Variants in ATP8A2 observed in about 807,000 individuals in gnomAD.
ATP8A2 encodes the protein ATPase phospholipid transporting 8A2.
Under a neutral mutation model 165.6 loss-of-function variants are expected in ATP8A2, and 100 were observed. That is an observed-to-expected ratio of 0.60 (90% CI 0.51 to 0.71). ATP8A2 has a LOEUF of 0.71. Among genes scored for constraint, ATP8A2 ranks in the 30% least tolerant of loss-of-function variants. The probability of loss-of-function intolerance (pLI) is 0.00; values close to 1 mark genes in which losing one functional copy is unlikely to be tolerated. For missense variants in ATP8A2, 1,227 were observed against 1,479.5 expected (o/e 0.83, Z 2.80); for synonymous variants, 543 against 548.8 (o/e 0.99, Z 0.15).
At chr13:25,935,649 G>A (rs1263970797) in intron 33 of ATP8A2, among the ~76,000 whole-genome samples, 1 of 152,084 alleles carries the variant, frequency 6.6e-6, no homozygotes, top group African/African-American at 2.4e-5. Flanking sequence ...AGGGGTAGGG[G>A]AAGCATCACA....
At chr13:25,480,556 T>G (rs2036153617) in intron 2 of ATP8A2, among the ~76,000 whole-genome samples, 6 of 123,332 alleles carry the variant, frequency 4.9e-5, no homozygotes, top group African/African-American at 9.6e-5. Flanking sequence ...TCTCAGAAGA[T>G]GGGCGGCCGG....
At chr13:25,680,776 C>T (rs1317388530) in intron 24 of ATP8A2, among the ~76,000 whole-genome samples, 1 of 152,178 alleles carries the variant, frequency 6.6e-6, no homozygotes, top group African/African-American at 2.4e-5. Flanking sequence ...TCAAGGTGCC[C>T]TCTACAACCA....
chr13:25,543,574 C>T (rs1297622878), intron 10 of ATP8A2, among the ~76,000 whole-genome samples, 172 bp downstream of exon 10: 1 of 152,082 alleles, frequency 6.6e-6, no homozygotes, highest in South Asian at 2.1e-4. Context: ...GATTTCTGTT[C>T]TCTTATCTGA....
At chr13:25,935,517 G>A (rs1393486210) in intron 33 of ATP8A2, among the ~76,000 whole-genome samples, 1 of 152,230 alleles carries the variant, frequency 6.6e-6, no homozygotes, top group Non-Finnish European at 1.5e-5. Flanking sequence ...TTGGCTCACA[G>A]TTGTGCACTC....
At chr13:25,615,471 C>T (rs1044152652) in intron 24 of ATP8A2, among the ~76,000 whole-genome samples, 6 of 152,172 alleles carry the variant, frequency 3.9e-5, no homozygotes, top group African/African-American at 9.6e-5. Flanking sequence ...ACCAGCCTCT[C>T]GCTGAGAGGG....
intron 1 of ATP8A2, among the ~76,000 whole-genome samples, chr13:25,466,543 AG>A (rs1436681044): frequency 6.6e-6 from 1 of 152,142 alleles, no homozygotes; most frequent in African/African-American, 2.4e-5. Flanking sequence ...GCCTTAATTG[AG>A]GGAACATTTT....
At chr13:25,905,648 T>C (rs1265263856) in intron 33 of ATP8A2, among the ~76,000 whole-genome samples, 1 of 151,750 alleles carries the variant, frequency 6.6e-6, no homozygotes, top group Non-Finnish European at 1.5e-5. Flanking sequence ...TCTCTGGAAG[T>C]GCAGAGGCCA....
rs892639657 is a variant in ATP8A2, at chr13:25,372,729, C to T, written c.76+441C>T. Reference sequence around the variant, plus strand: ...ACCGCTGTGCTGCAGAGCTCAAAAGCAGAGGGGGAAAAAGGCATCCGAAGG... The same window carrying T: ...ACCGCTGTGCTGCAGAGCTCAAAAGTAGAGGGGGAAAAAGGCATCCGAAGG... On this transcript the variant is annotated intron_variant, in intron 1 of 36. Transcript: ENST00000381655. The surrounding 1 kb of genome is among the most constrained non-coding windows in gnomAD (Gnocchi z 4.8). 3.3e-5 allele frequency among the ~76,000 whole-genome samples: 5 copies of T among 152,318 alleles called. No individual in the cohort carries two copies. The East Asian group carries it at 7.7e-4, about 24-fold the overall frequency.
At chr13:25,385,239 CT>C (rs1216447152) in intron 1 of ATP8A2, among the ~76,000 whole-genome samples, 1 of 152,192 alleles carries the variant, frequency 6.6e-6, no homozygotes, top group African/African-American at 2.4e-5. Flanking sequence ...TTTCATGTGA[CT>C]TGTGCTGCAG....
chr13:26,025,291 G>C lies in ATP8A2; in HGVS notation c.*5306G>C, dbSNP rs1286102243. 6.6e-6 allele frequency: 1 copy of C among 152,152 alleles called. No homozygotes were observed. The highest frequency in any genetic ancestry group is 2.4e-5 in the African/African-American group (1 of 41,402). 9.4% of individuals were successfully genotyped at this position (152,152 alleles called of 1,614,324 possible). On this transcript the variant is annotated 3_prime_UTR_variant, in exon 37 of 37. Coordinates refer to ENST00000381655, the MANE Select transcript of ATP8A2 (RefSeq NM_016529.6). Reference sequence around the variant, plus strand: ...CCACTCTCCCCCGTTGCCCGAGATGGCCAAGTTCAGGCCTGTGCAATGCCG... The same window carrying C: ...CCACTCTCCCCCGTTGCCCGAGATGCCCAAGTTCAGGCCTGTGCAATGCCG...
chr13:25,534,712 G>A (rs574996073), intron 6 of ATP8A2, among the ~76,000 whole-genome samples: 1 of 152,352 alleles, frequency 6.6e-6, no homozygotes, highest in African/African-American at 2.4e-5. Flanking sequence ...TTATTTCAGT[G>A]GAGCTCCTGG....
intron 24 of ATP8A2, among the ~76,000 whole-genome samples, chr13:25,665,050 A>G (rs2137714342): frequency 6.6e-6 from 1 of 151,774 alleles, no homozygotes; most frequent in East Asian, 1.9e-4. Context: ...GAATCCTTCC[A>G]GAGCCCAGAT....
In ATP8A2 at chr13:25,585,125, G is replaced by C. The variant is rs1238398451; in HGVS notation, c.2146+3168G>C. On this transcript the variant is annotated intron_variant, in intron 23 of 36. Transcript: ENST00000381655. Reference sequence around the variant, plus strand: ...TGAGCCAGTGAATTGTATGTAGATAGACAATCATCTTGTGTATAGGTTTTA... The same window carrying C: ...TGAGCCAGTGAATTGTATGTAGATACACAATCATCTTGTGTATAGGTTTTA... 2.0e-5 allele frequency among the ~76,000 whole-genome samples: 3 copies of C among 152,330 alleles called. No individual in the cohort carries two copies. In the East Asian group the frequency reaches 5.8e-4, roughly 29 times the overall value.
At chr13:25,870,744 C>T (rs1952652220) in intron 33 of ATP8A2, among the ~76,000 whole-genome samples, 1 of 152,142 alleles carries the variant, frequency 6.6e-6, no homozygotes. Context: ...GATGATGAAC[C>T]AGGTGTTTGA....
At chr13:25,562,546 G>A (rs1040250619) in intron 15 of ATP8A2, among the ~76,000 whole-genome samples, 1 of 152,172 alleles carries the variant, frequency 6.6e-6, no homozygotes, top group Non-Finnish European at 1.5e-5. Context: ...CAGTGTCTAT[G>A]GGTCTTTCTT....
chr13:25,845,269 T>C (rs987716145), intron 30 of ATP8A2, among the ~76,000 whole-genome samples: 13 of 152,186 alleles, frequency 8.5e-5, no homozygotes, highest in Non-Finnish European at 1.3e-4. Flanking sequence ...CCGGGTTTCC[T>C]GTTGGCATGT....
At chr13:25,942,821 G>A (rs553853736) in intron 33 of ATP8A2, among the ~76,000 whole-genome samples, 3 of 152,246 alleles carry the variant, frequency 2.0e-5, no homozygotes, top group Admixed American at 6.5e-5. Flanking sequence ...TTCTAAAAAT[G>A]TTGAATGCTT....
chr13:25,676,685 A>T (rs1319036925), intron 24 of ATP8A2, among the ~76,000 whole-genome samples: 1 of 140,862 alleles, frequency 7.1e-6, no homozygotes, highest in Non-Finnish European at 1.6e-5. Context: ...TGATTTTTTA[A>T]AAAAAATTTT....
At chr13:25,386,955 C>A (rs567132598) in intron 1 of ATP8A2, among the ~76,000 whole-genome samples, 1,781 of 121,064 alleles carry the variant, frequency 0.015, 38 homozygotes, top group African/African-American at 0.044. Context: ...CGAGATCGCG[C>A]CCTTGCACTC....
Sources: gnomAD v4.1 joint callset for allele counts (sites outside exome capture counted in the v4.1 genomes callset) on GRCh38, gnomAD v4.1.1 for gene constraint, Gnocchi (gnomAD v3.1) non-coding constraint, MANE v1.5 for transcripts, NCBI Gene and HGNC (gene_info 2026-07-23, HGNC 2026-07-21) for gene names.